Variants in SKI observed in about 807,000 individuals in gnomAD.
SKI encodes the protein SKI proto-oncogene, also known as ski oncogene.
In SKI, 23 loss-of-function variants were observed where a neutral mutation model predicts 59.3. The ratio of observed to expected loss-of-function variants is 0.39; its 90% confidence interval spans 0.28 to 0.55. The LOEUF (loss-of-function observed/expected upper bound fraction) is 0.55, where lower values mean the gene tolerates loss of function less well. SKI is among the 20% of genes least tolerant of loss of function. The pLI, the probability that SKI is intolerant of heterozygous loss-of-function variation, is 0.67. For missense variants in SKI, 1,017 were observed against 1,038.9 expected, an observed-to-expected ratio of 0.98 and a Z score of 0.29; for synonymous variants, 673 against 488.6, an observed-to-expected ratio of 1.38 and a Z score of -4.98.
At chr1:2,235,009 C>A (rs1287747889) in intron 1 of SKI, among the ~76,000 whole-genome samples, 6 of 151,602 alleles carry the variant, frequency 4.0e-5, no homozygotes, top group African/African-American at 1.5e-4. Context: ...CTGGCTGTCA[C>A]CCTCGTGGTC....
At chr1:2,264,951 C>CA (rs1639468590) in intron 1 of SKI, among the ~76,000 whole-genome samples, 1 of 152,056 alleles carries the variant, frequency 6.6e-6, no homozygotes, top group African/African-American at 2.4e-5. Flanking sequence ...CCTGGGATTA[C>CA]AGGCACCCGC....
intron 1 of SKI, among the ~76,000 whole-genome samples, chr1:2,297,403 G>A (rs1330941313): frequency 1.3e-5 from 2 of 152,198 alleles, no homozygotes; most frequent in African/African-American, 2.4e-5. Context: ...GCAGGACCTC[G>A]AGTGCCCAGC....
intron 1 of SKI, among the ~76,000 whole-genome samples, chr1:2,274,481 A>G (rs1193007455): frequency 1.3e-5 from 2 of 151,980 alleles, no homozygotes; most frequent in Non-Finnish European, 2.9e-5. Flanking sequence ...CAGCCACCCG[A>G]GGGCCCGTGT....
chr1:2,291,685 G>A (rs1343866324), intron 1 of SKI, among the ~76,000 whole-genome samples: 1 of 64,604 alleles, frequency 1.5e-5, no homozygotes, highest in Non-Finnish European at 3.0e-5. Flanking sequence ...GTGTTTTGAT[G>A]CCCCTTGGCT....
chr1:2,305,196 G>C (rs1569863572), intron 5 of SKI, among the ~76,000 whole-genome samples: 1 of 152,214 alleles, frequency 6.6e-6, no homozygotes, highest in African/African-American at 2.4e-5. Flanking sequence ...TTCTCACGCT[G>C]CAGCTCCGGT....
chr1:2,253,133 A>C (rs16824944), intron 1 of SKI, among the ~76,000 whole-genome samples: 1,834 of 151,582 alleles, frequency 0.012, 44 homozygotes, highest in African/African-American at 0.041. Context: ...AATTGGAGTA[A>C]ATATTTCATA....
At chr1:2,280,206 A>T (rs1349434108) in intron 1 of SKI, among the ~76,000 whole-genome samples, 1 of 132,624 alleles carries the variant, frequency 7.5e-6, no homozygotes, top group East Asian at 2.1e-4. Context: ...CGTATCTACT[A>T]AAAAAAAAAA....
chr1:2,245,329 A>G (rs1033745397), intron 1 of SKI, among the ~76,000 whole-genome samples: 2 of 152,110 alleles, frequency 1.3e-5, no homozygotes, highest in Non-Finnish European at 2.9e-5. Flanking sequence ...CATTTCTGTC[A>G]GTGGACACAC....
chr1:2,260,716 T>C (rs1329226339), intron 1 of SKI, among the ~76,000 whole-genome samples: 1 of 151,978 alleles, frequency 6.6e-6, no homozygotes, highest in African/African-American at 2.4e-5. Flanking sequence ...AATTTTTGTA[T>C]TTTTTGTAGA....
Position 2,306,848 on chromosome 1 carries a change from C to A in SKI, c.*83C>A. The A allele has an allele frequency of 1.1e-6, 1 of 940,728 alleles. No individual in the cohort carries two copies. Among genetic ancestry groups the A allele is most frequent in the African/African-American group, 1.8e-5 (1 of 55,840 alleles). The allele number at this position is 940,728 out of a possible 1,614,324, so 58.3% of individuals were successfully genotyped here. A position where few individuals can be genotyped will look rare whatever the true frequency, so the allele number is the denominator to read the frequency against. On this transcript the variant is annotated 3_prime_UTR_variant, in exon 7 of 7. Transcript: ENST00000378536. ...GGCGGTGCAGCTCCGCCCGGCTCCG[C>A]CCCTGCAGCCCACACAGCACAACGT... is the stretch of plus-strand genomic sequence containing the variant.
intron 1 of SKI, among the ~76,000 whole-genome samples, chr1:2,249,376 C>G (rs1639070991): frequency 6.6e-6 from 1 of 152,222 alleles, no homozygotes; most frequent in Non-Finnish European, 1.5e-5. Flanking sequence ...CCAGGAGGTT[C>G]CCTGGCAATG....
chr1:2,256,872 A>G (rs957331052), intron 1 of SKI, among the ~76,000 whole-genome samples: 1 of 152,152 alleles, frequency 6.6e-6, no homozygotes, highest in Non-Finnish European at 1.5e-5. Context: ...TTGGGCGCCT[A>G]TTGGGCCCTT....
chr1:2,260,447 T>A (rs1320583018), intron 1 of SKI, among the ~76,000 whole-genome samples: 2 of 152,078 alleles, frequency 1.3e-5, no homozygotes, highest in Non-Finnish European at 2.9e-5. Context: ...TTTGTCCCTG[T>A]CCATGGCTTT....
intron 1 of SKI, among the ~76,000 whole-genome samples, chr1:2,252,767 G>A (rs988790734): frequency 9.9e-5 from 15 of 152,226 alleles, no homozygotes; most frequent in African/African-American, 1.2e-4. Context: ...TGGTCCCAGC[G>A]CATCCGTGGA....
chr1:2,304,918 C>T (rs1313326524), intron 5 of SKI, among the ~76,000 whole-genome samples: 1 of 152,236 alleles, frequency 6.6e-6, no homozygotes, highest in Non-Finnish European at 1.5e-5. Context: ...ATAAGGGAGG[C>T]CGGGCTATTT....
chr1:2,246,859 G>GT (rs1491194523), intron 1 of SKI, among the ~76,000 whole-genome samples: 2 of 151,850 alleles, frequency 1.3e-5, no homozygotes, highest in Non-Finnish European at 2.9e-5. Flanking sequence ...CTGATGGGGG[G>GT]GGCCTCAGGA....
intron 1 of SKI, among the ~76,000 whole-genome samples, chr1:2,275,800 C>T (rs910764921): frequency 2.6e-5 from 4 of 152,218 alleles, no homozygotes; most frequent in Non-Finnish European, 2.9e-5. Context: ...GCTGAGCCAC[C>T]GCACTGGCCA....
chr1:2,246,858 G>GT (rs1336348297), intron 1 of SKI, among the ~76,000 whole-genome samples: 1 of 152,046 alleles, frequency 6.6e-6, no homozygotes, highest in South Asian at 2.1e-4. Context: ...CCTGATGGGG[G>GT]GGGCCTCAGG....
intron 1 of SKI, among the ~76,000 whole-genome samples, chr1:2,275,307 T>C (rs1449436740): frequency 6.6e-6 from 1 of 152,150 alleles, no homozygotes; most frequent in East Asian, 1.9e-4. Context: ...TTGTAGTCAC[T>C]GAGTTCGAGG....
Sources: gnomAD v4.1 joint callset for allele counts (sites outside exome capture counted in the v4.1 genomes callset) on GRCh38, gnomAD v4.1.1 for gene constraint, MANE v1.5 for transcripts, NCBI Gene and HGNC (gene_info 2026-07-23, HGNC 2026-07-21) for gene names.